Variants in MAGI2 observed in about 807,000 individuals in gnomAD.
The protein encoded by MAGI2 is membrane-associated guanylate kinase, WW and PDZ domain-containing protein 2.
In MAGI2, 35 loss-of-function variants were observed where a neutral mutation model predicts 133.3. The ratio of observed to expected loss-of-function variants is 0.26; its 90% CI spans 0.20 to 0.35. The LOEUF is 0.35. Ranked by LOEUF, MAGI2 falls within the 10% of genes least tolerant of loss-of-function variation. The pLI, the probability that MAGI2 is intolerant of heterozygous loss-of-function variation, is 1.00. For missense variants in MAGI2, 1,636 were observed against 1,863.4 expected, an observed-to-expected ratio of 0.88 and a Z score of 2.25; for synonymous variants, 729 against 710.6, an observed-to-expected ratio of 1.03 and a Z score of -0.41.
chr7:79,071,131 A>T (rs1258340294), intron 1 of MAGI2, among the ~76,000 whole-genome samples: 1 of 152,000 alleles, frequency 6.6e-6, no homozygotes, highest in Non-Finnish European at 1.5e-5. Flanking sequence ...GGGGTCTGTG[A>T]GTGGATGTCC....
chr7:78,967,107 T>A (rs1041825691), intron 2 of MAGI2, among the ~76,000 whole-genome samples: 3 of 143,932 alleles, frequency 2.1e-5, no homozygotes, highest in South Asian at 2.1e-4. Flanking sequence ...TGGTCTAACT[T>A]TTTTTTTAAA....
chr7:78,648,205 C>A (rs1811106983), intron 2 of MAGI2, among the ~76,000 whole-genome samples: 1 of 152,088 alleles, frequency 6.6e-6, no homozygotes, highest in African/African-American at 2.4e-5. Flanking sequence ...AAAAACAGTA[C>A]AATAAATAAC....
chr7:79,428,329 C>A (rs75121608), intron 1 of MAGI2, among the ~76,000 whole-genome samples: 3,343 of 152,246 alleles, frequency 0.022, 133 homozygotes, highest in African/African-American at 0.076. Context: ...AAAATAGGAT[C>A]ATTTGCATAT....
At position 78,127,307 on chromosome 7, in the gene MAGI2, C is replaced by A. The variant is rs748899377; in HGVS notation, c.3313G>T (p.Asp1105Tyr). Residue 1105 changes from aspartate to tyrosine, a missense_variant, in exon 19 of 22, where the codon GAC becomes TAC. Physicochemically the swap from Asp to Tyr is radical, Grantham distance 160. Coordinates refer to ENST00000354212, the MANE Select transcript of MAGI2 (RefSeq NM_012301.4). The part of the protein sequence containing the change: ...PLDYRQPPGG[D>Y]YQQPPPLDYR... ...TCCAAGGGTGGGGGCTGCTGGTAGTCCCCTCCTGGGGGTTGCCTGTAATCC... is the reference window on the plus strand; with the variant it reads ...TCCAAGGGTGGGGGCTGCTGGTAGTACCCTCCTGGGGGTTGCCTGTAATCC... 2 of 1,611,924 alleles carry A rather than the reference C, an allele frequency of 1.2e-6. No individual in the cohort carries two copies. Among genetic ancestry groups the A allele is most frequent in the East Asian group, 2.2e-5 (1 of 44,822 alleles).
At chr7:78,282,637 T>C (rs966858425) in intron 9 of MAGI2, among the ~76,000 whole-genome samples, 7 of 152,118 alleles carry the variant, frequency 4.6e-5, no homozygotes, top group Admixed American at 1.3e-4. Flanking sequence ...TGCATACAAT[T>C]CCTAATCCAA....
At position 78,962,074 on chromosome 7, in the gene MAGI2, A is replaced by G. The variant is rs373516599; in HGVS notation, c.418+45016T>C. 7.2e-5 allele frequency among the ~76,000 whole-genome samples: 11 copies of G among 152,240 alleles called. No homozygotes were observed. In the East Asian group the frequency reaches 2.1e-3, roughly 29 times the overall value. ...TATTATTATATTATGAGACTATCAT[A>G]AGTGCTGTTGGTTTATTGAACTCTC... On this transcript the variant is annotated intron_variant, in intron 2 of 21. Transcript: ENST00000354212.
At chr7:79,342,435 C>T (rs1002644661) in intron 1 of MAGI2, among the ~76,000 whole-genome samples, 4 of 152,216 alleles carry the variant, frequency 2.6e-5, no homozygotes, top group Non-Finnish European at 5.9e-5. Context: ...ATATCCCTTA[C>T]AGAAGAACTA....
intron 10 of MAGI2, among the ~76,000 whole-genome samples, chr7:78,236,702 A>G (rs192676930): frequency 2.0e-5 from 3 of 152,336 alleles, no homozygotes; most frequent in Non-Finnish European, 1.5e-5. Context: ...AAATAACATT[A>G]GAAACTGAGG....
chr7:78,633,600 G>A (rs1809286959), intron 2 of MAGI2, among the ~76,000 whole-genome samples: 1 of 151,828 alleles, frequency 6.6e-6, no homozygotes, highest in African/African-American at 2.4e-5. Flanking sequence ...CAGCTACTCC[G>A]GAGGCTGAGG....
intron 9 of MAGI2, among the ~76,000 whole-genome samples, chr7:78,294,049 C>T (rs534524397): frequency 6.6e-6 from 1 of 151,432 alleles, no homozygotes; most frequent in Admixed American, 6.6e-5. Flanking sequence ...GCACATTGTG[C>T]ACATGTACCC....
At chr7:78,862,132 T>G (rs1004465708) in intron 2 of MAGI2, among the ~76,000 whole-genome samples, 2 of 152,226 alleles carry the variant, frequency 1.3e-5, no homozygotes, top group African/African-American at 4.8e-5. Flanking sequence ...TTATTCATAT[T>G]TGTTTCTACT....
chr7:78,401,930 C>CTT (rs11372680), intron 6 of MAGI2, among the ~76,000 whole-genome samples: 53 of 150,600 alleles, frequency 3.5e-4, no homozygotes, highest in Admixed American at 1.3e-3. Context: ...TAGAAAATGG[C>CTT]TTTTTTTTTC....
At chr7:78,166,610 T>C (rs1303024415) in intron 15 of MAGI2, among the ~76,000 whole-genome samples, 1 of 152,188 alleles carries the variant, frequency 6.6e-6, no homozygotes, top group African/African-American at 2.4e-5. Flanking sequence ...TGACCGCCCT[T>C]GCTCATGGTC....
At chr7:78,557,045 A>C (rs1028016582) in intron 3 of MAGI2, among the ~76,000 whole-genome samples, 9 of 142,974 alleles carry the variant, frequency 6.3e-5, no homozygotes, top group African/African-American at 2.4e-4. Flanking sequence ...GAGCTGAGAT[A>C]GTGCCACTAT....
intron 2 of MAGI2, among the ~76,000 whole-genome samples, chr7:78,717,605 T>C (rs73150760): frequency 0.05 from 7,552 of 152,282 alleles, 272 homozygotes; most frequent in Non-Finnish European, 0.077. Context: ...CAGATAGTAG[T>C]ATCTACTTTA....
intron 1 of MAGI2, among the ~76,000 whole-genome samples, chr7:79,051,268 T>C (rs1037827802): frequency 5.1e-4 from 77 of 152,180 alleles, no homozygotes; most frequent in Admixed American, 2.0e-3. Flanking sequence ...CTGTAATAGA[T>C]TGTCACTAAT....
chr7:78,811,829 A>T (rs2151409059), intron 2 of MAGI2, among the ~76,000 whole-genome samples: 1 of 152,334 alleles, frequency 6.6e-6, no homozygotes, highest in African/African-American at 2.4e-5. Context: ...CCTAAACCTC[A>T]GAACCTGTGT....
At chr7:78,400,914 C>T (rs1026327997) in intron 6 of MAGI2, among the ~76,000 whole-genome samples, 1 of 152,058 alleles carries the variant, frequency 6.6e-6, no homozygotes, top group African/African-American at 2.4e-5. Context: ...GTTCTGAGAA[C>T]CTTATCTTTC....
rs574601753 is a variant in MAGI2 at position 79,434,730 on chromosome 7, T to C, written c.301+18290A>G. ...TAGTTATGGACAGAGGTTCTTAAAGTGTGCGACGGTCAATCTTATGTATTA... is the reference window on the plus strand; with the variant it reads ...TAGTTATGGACAGAGGTTCTTAAAGCGTGCGACGGTCAATCTTATGTATTA... On this transcript the variant is annotated intron_variant, in intron 1 of 21. Coordinates refer to ENST00000354212, the MANE Select transcript of MAGI2 (RefSeq NM_012301.4). Among the ~76,000 whole-genome samples the C allele has an allele frequency of 1.8e-4, 27 of 152,302 alleles. No homozygotes were observed. The South Asian group carries it at 5.4e-3, about 30-fold the overall frequency.
Sources: gnomAD v4.1 joint callset for allele counts (sites outside exome capture counted in the v4.1 genomes callset) on GRCh38, gnomAD v4.1.1 for gene constraint, MANE v1.5 for transcripts, NCBI Gene and HGNC (gene_info 2026-07-23, HGNC 2026-07-21) for gene names.